CSMD1: variants seen among roughly 807,000 people sequenced by gnomAD.
CSMD1 encodes the protein CUB and sushi domain-containing protein 1.
A neutral mutation model predicts 417.5 loss-of-function variants in CSMD1; 213 were observed. That is an observed-to-expected ratio of 0.51 (90% CI 0.46 to 0.57). CSMD1 has a LOEUF of 0.57. Among genes scored for constraint, CSMD1 ranks in the 20% least tolerant of loss-of-function variants. The pLI is 0.00. For missense variants in CSMD1, 6,923 were observed against 4,529.7 expected, an observed-to-expected ratio of 1.53 and a Z score of -15.17; for synonymous variants, 2,862 against 1,736.8, an observed-to-expected ratio of 1.65 and a Z score of -16.11.
intron 3 of CSMD1, among the ~76,000 whole-genome samples, chr8:4,132,264 A>G (rs917853269): frequency 6.6e-6 from 1 of 150,434 alleles, no homozygotes; most frequent in Non-Finnish European, 1.5e-5. Flanking sequence ...CTGGATTATG[A>G]AAATTTTATC....
At chr8:4,644,586 T>G (rs935300819) in intron 1 of CSMD1, among the ~76,000 whole-genome samples, 1 of 152,300 alleles carries the variant, frequency 6.6e-6, no homozygotes, top group South Asian at 2.1e-4. Context: ...TTTCTATTTT[T>G]AGTAGAGACA....
At chr8:3,475,286 C>T (rs7004893) in intron 11 of CSMD1, among the ~76,000 whole-genome samples, 1 of 151,952 alleles carries the variant, frequency 6.6e-6, no homozygotes, top group East Asian at 1.9e-4. Flanking sequence ...TCTGAGCTCT[C>T]TGGGTGCAAT....
intron 1 of CSMD1, among the ~76,000 whole-genome samples, chr8:4,939,477 G>C (rs537092231): frequency 1.5e-3 from 236 of 152,296 alleles, no homozygotes; most frequent in Admixed American, 3.2e-3. Context: ...TTAAAAAGAA[G>C]ACAGTCCTGT....
intron 3 of CSMD1, among the ~76,000 whole-genome samples, chr8:4,227,855 G>A (rs1801453400): frequency 6.6e-6 from 1 of 150,380 alleles, no homozygotes; most frequent in Admixed American, 6.6e-5. Flanking sequence ...CCCCACACCA[G>A]GAGACACAGC....
At chr8:3,994,622 T>TA (rs1223305012) in intron 5 of CSMD1, among the ~76,000 whole-genome samples, 73 of 146,156 alleles carry the variant, frequency 5.0e-4, no homozygotes, top group African/African-American at 9.3e-4. Context: ...ATCCGACTAG[T>TA]TAAAAAAAAA....
chr8:3,350,029 G>C (rs28874944), intron 21 of CSMD1, among the ~76,000 whole-genome samples: 14,235 of 140,300 alleles, frequency 0.1, 897 homozygotes, highest in Non-Finnish European at 0.14. Context: ...GTGTATGTGT[G>C]TGTTATAATA....
At chr8:3,974,019 C>CTT (rs1813252078) in intron 5 of CSMD1, among the ~76,000 whole-genome samples, 2 of 152,138 alleles carry the variant, frequency 1.3e-5, no homozygotes, top group African/African-American at 4.8e-5. Context: ...CTTTAAGTTA[C>CTT]TTTAAAATGT....
intron 2 of CSMD1, among the ~76,000 whole-genome samples, chr8:4,619,937 A>G (rs1254083632): frequency 6.6e-6 from 1 of 152,076 alleles, no homozygotes; most frequent in Non-Finnish European, 1.5e-5. Context: ...TTAATAATAC[A>G]TTTATATTTA....
At chr8:4,108,548 C>A (rs1179542868) in intron 3 of CSMD1, among the ~76,000 whole-genome samples, 1 of 152,128 alleles carries the variant, frequency 6.6e-6, no homozygotes, top group African/African-American at 2.4e-5. Context: ...ACTGTTTTCC[C>A]AGAAATCACC....
At chr8:4,473,724 T>C (rs997405855) in intron 2 of CSMD1, among the ~76,000 whole-genome samples, 2 of 152,216 alleles carry the variant, frequency 1.3e-5, no homozygotes, top group Admixed American at 1.3e-4. Context: ...ATGTGTAGCA[T>C]GTAGTAACAC....
intron 7 of CSMD1, among the ~76,000 whole-genome samples, chr8:3,624,567 T>C (rs557670827): frequency 1.1e-3 from 171 of 152,304 alleles, no homozygotes; most frequent in African/African-American, 3.9e-3. Context: ...AGACAAACTG[T>C]AACCATTTAA....
intron 1 of CSMD1, among the ~76,000 whole-genome samples, chr8:4,929,568 G>C (rs1453493973): frequency 6.6e-6 from 1 of 152,244 alleles, no homozygotes. Flanking sequence ...AAGGAAAAAA[G>C]CTAGTCTCAA....
At chr8:3,811,079 A>G (rs1801047294) in intron 5 of CSMD1, among the ~76,000 whole-genome samples, 1 of 152,156 alleles carries the variant, frequency 6.6e-6, no homozygotes. Context: ...TTTTCCTGAG[A>G]TCGTGATAAA....
At position 3,998,026 on chromosome 8, in the gene CSMD1, G is replaced by T. The variant is rs766424869; in HGVS notation, c.695C>A (p.Ala232Glu). The change falls in exon 5 of 70, where the codon GCG becomes GAG. Residue 232 changes from alanine (A) to glutamate (E), a missense_variant. Physicochemically the swap from Ala to Glu is moderately radical, Grantham distance 107. Transcript: ENST00000635120. ...PHFPSEYENN[A>E]DCTWTILAEP... is the part of the protein sequence containing the mutation. ...AGCCAGAATGGTCCAGGTGCAGTCC[G>T]CGTTGTTCTCGTACTCTGAAGGGAA... is the stretch of plus-strand genomic sequence containing the variant. 5 of 1,606,044 alleles carry T rather than the reference G, an allele frequency of 3.1e-6. No individual in the cohort carries two copies. The highest frequency in any genetic ancestry group is 2.7e-5 in the African/African-American group (2 of 74,820).
chr8:4,029,568 G>A (rs1010261540), intron 4 of CSMD1, among the ~76,000 whole-genome samples: 3 of 152,032 alleles, frequency 2.0e-5, no homozygotes, highest in African/African-American at 7.3e-5. Flanking sequence ...CCTCCCACTG[G>A]CTTCCTCCCA....
chr8:3,465,950 C>A (rs1460782478), intron 12 of CSMD1, among the ~76,000 whole-genome samples: 2 of 152,056 alleles, frequency 1.3e-5, no homozygotes, highest in African/African-American at 4.8e-5. Context: ...ACTGGCTCAG[C>A]TAGAAGCTGG....
intron 15 of CSMD1, among the ~76,000 whole-genome samples, chr8:3,405,426 GGTATTTATGTCGGCT>G (rs1812286948): frequency 6.6e-6 from 1 of 152,080 alleles, no homozygotes. Flanking sequence ...AAAATTAGGT[GGTATTTATGTCGGCT>G]GTAACAAGAA....
At chr8:4,342,018 G>C (rs1346338475) in intron 3 of CSMD1, among the ~76,000 whole-genome samples, 1 of 152,062 alleles carries the variant, frequency 6.6e-6, no homozygotes, top group Non-Finnish European at 1.5e-5. Flanking sequence ...TTAAGACTTG[G>C]TCTCAAGATA....
At chr8:3,953,382 T>C (rs894094924) in intron 5 of CSMD1, among the ~76,000 whole-genome samples, 1 of 152,222 alleles carries the variant, frequency 6.6e-6, no homozygotes, top group Admixed American at 6.5e-5. Flanking sequence ...TAGGTGTTTA[T>C]ATATACTTAG....
Sources: gnomAD v4.1 joint callset for allele counts (sites outside exome capture counted in the v4.1 genomes callset) on GRCh38, gnomAD v4.1.1 for gene constraint, MANE v1.5 for transcripts, NCBI Gene and HGNC (gene_info 2026-07-23, HGNC 2026-07-21) for gene names.